The following CNTN5 variants were observed in gnomAD, a reference collection of about 807,000 sequenced individuals.
CNTN5 encodes the protein contactin-5.
Under a neutral mutation model 129.1 loss-of-function variants are expected in CNTN5, and 77 were observed. That is an observed-to-expected ratio of 0.60 (90% CI 0.50 to 0.72). The LOEUF is 0.72. Ranked by LOEUF, CNTN5 falls within the 30% of genes least tolerant of loss-of-function variation. CNTN5 has a pLI of 0.00. For missense variants in CNTN5, 1,478 were observed against 1,328.8 expected, an observed-to-expected ratio of 1.11 and a Z score of -1.75; for synonymous variants, 509 against 465.6, an observed-to-expected ratio of 1.09 and a Z score of -1.20.
At chr11:99,267,071 A>G (rs1862934496) in intron 1 of CNTN5, among the ~76,000 whole-genome samples, 3 of 152,092 alleles carry the variant, frequency 2.0e-5, no homozygotes, top group Admixed American at 2.0e-4. Context: ...TAAGACGTGA[A>G]TTCTAAAACT....
chr11:99,935,586 A>G lies in CNTN5; in HGVS notation c.673+19437A>G, dbSNP rs573192371. On this transcript the variant is annotated intron_variant, in intron 7 of 24. Coordinates refer to ENST00000524871, the MANE Select transcript of CNTN5 (RefSeq NM_014361.4). ...TGTGTGTGTGTATGTATGTATATAT[A>G]TGTGTGTGTGTTGTGTATATATTAT... 3.3e-5 allele frequency among the ~76,000 whole-genome samples: 5 copies of G among 151,974 alleles called. No homozygotes were observed. The South Asian group carries it at 1.0e-3, about 32-fold the overall frequency.
At chr11:99,971,045 T>G (rs1951237084) in intron 8 of CNTN5, among the ~76,000 whole-genome samples, 1 of 152,244 alleles carries the variant, frequency 6.6e-6, no homozygotes, top group Non-Finnish European at 1.5e-5. Flanking sequence ...TACCATATAA[T>G]AAGCATAGTT....
chr11:99,321,916 T>C (rs1018078604), intron 1 of CNTN5, among the ~76,000 whole-genome samples: 5 of 152,154 alleles, frequency 3.3e-5, no homozygotes, highest in Non-Finnish European at 7.4e-5. Flanking sequence ...GTGCTTATAC[T>C]ACAATGTGCT....
chr11:99,332,422 C>G (rs900909592), intron 2 of CNTN5, among the ~76,000 whole-genome samples: 8 of 151,952 alleles, frequency 5.3e-5, no homozygotes, highest in Non-Finnish European at 8.8e-5. Context: ...TATCTTATAC[C>G]AATCTGTGCC....
At chr11:99,704,924 G>A (rs1316103200) in intron 3 of CNTN5, among the ~76,000 whole-genome samples, 2 of 151,152 alleles carry the variant, frequency 1.3e-5, no homozygotes, top group Admixed American at 6.6e-5. Context: ...GGAATTCTTC[G>A]TTATAGAGCA....
At chr11:99,502,480 G>C (rs979722952) in intron 2 of CNTN5, among the ~76,000 whole-genome samples, 2 of 151,982 alleles carry the variant, frequency 1.3e-5, no homozygotes, top group African/African-American at 4.8e-5. Flanking sequence ...GAGATCTGAT[G>C]GTTTTATAAG....
chr11:99,867,141 A>G (rs952272855), intron 6 of CNTN5, among the ~76,000 whole-genome samples: 10 of 152,200 alleles, frequency 6.6e-5, no homozygotes, highest in Non-Finnish European at 1.0e-4. Context: ...ATGCTCTTGT[A>G]AAGAAAGAGC....
chr11:100,171,694 A>G (rs1344388876), intron 13 of CNTN5, among the ~76,000 whole-genome samples: 1 of 152,030 alleles, frequency 6.6e-6, no homozygotes, highest in Non-Finnish European at 1.5e-5. Context: ...TCACTCTGAA[A>G]GCATTTACTT....
intron 13 of CNTN5, among the ~76,000 whole-genome samples, chr11:100,185,872 C>T (rs1948287645): frequency 1.3e-5 from 2 of 152,186 alleles, no homozygotes; most frequent in Non-Finnish European, 2.9e-5. Flanking sequence ...ACCATTCTTG[C>T]ACCTGATTTT....
At chr11:99,972,869 A>G (rs1937668013) in intron 8 of CNTN5, among the ~76,000 whole-genome samples, 1 of 152,190 alleles carries the variant, frequency 6.6e-6, no homozygotes, top group African/African-American at 2.4e-5. Flanking sequence ...CATTTTCCAC[A>G]GTACTCCCAG....
chr11:99,338,992 T>TATAC (rs57727996), intron 2 of CNTN5, among the ~76,000 whole-genome samples: 26,571 of 136,332 alleles, frequency 0.19, 2,718 homozygotes, highest in South Asian at 0.26. Context: ...TATATATATA[T>TATAC]ATAGTGTCCA....
intron 3 of CNTN5, among the ~76,000 whole-genome samples, chr11:99,671,118 C>T (rs1476361231): frequency 6.7e-6 from 1 of 149,828 alleles, no homozygotes; most frequent in Non-Finnish European, 1.5e-5. Flanking sequence ...CGCTCTTGCT[C>T]TCTCTCTCTT....
intron 3 of CNTN5, among the ~76,000 whole-genome samples, chr11:99,673,251 AT>A (rs1370143642): frequency 6.6e-6 from 1 of 152,208 alleles, no homozygotes; most frequent in African/African-American, 2.4e-5. Context: ...ATTGAAAAAC[AT>A]TAAAGTCTAA....
chr11:100,098,560 T>C (rs1945098712), intron 13 of CNTN5, among the ~76,000 whole-genome samples: 1 of 152,100 alleles, frequency 6.6e-6, no homozygotes. Context: ...GGAACACTAC[T>C]CATTTTGGAA....
intron 13 of CNTN5, among the ~76,000 whole-genome samples, chr11:100,155,350 T>C (rs1413531832): frequency 6.6e-6 from 1 of 152,128 alleles, no homozygotes; most frequent in African/African-American, 2.4e-5. Context: ...GTGTTATTTC[T>C]GGGGCCTCTC....
At chr11:99,744,374 G>C (rs982547374) in intron 3 of CNTN5, among the ~76,000 whole-genome samples, 1 of 151,582 alleles carries the variant, frequency 6.6e-6, no homozygotes, top group African/African-American at 2.4e-5. Flanking sequence ...GTCTCTTAAG[G>C]ACGTAAGACA....
At chr11:99,311,952 A>G (rs1865131840) in intron 1 of CNTN5, among the ~76,000 whole-genome samples, 1 of 152,030 alleles carries the variant, frequency 6.6e-6, no homozygotes, top group Non-Finnish European at 1.5e-5. Context: ...AGACTTTTAT[A>G]CCTCCTAAGC....
chr11:99,199,436 A>G (rs1197584070), intron 1 of CNTN5, among the ~76,000 whole-genome samples: 1 of 152,214 alleles, frequency 6.6e-6, no homozygotes, highest in Non-Finnish European at 1.5e-5. Flanking sequence ...TGTTGCAATA[A>G]CACAATATGA....
At chr11:100,029,548 A>ACT (rs1941599408) in intron 9 of CNTN5, among the ~76,000 whole-genome samples, 2 of 152,092 alleles carry the variant, frequency 1.3e-5, no homozygotes, top group African/African-American at 4.8e-5. Flanking sequence ...GCGCCACTGA[A>ACT]CTCCAGCCTG....
Sources: gnomAD v4.1 joint callset for allele counts (sites outside exome capture counted in the v4.1 genomes callset) on GRCh38, gnomAD v4.1.1 for gene constraint, MANE v1.5 for transcripts, NCBI Gene and HGNC (gene_info 2026-07-23, HGNC 2026-07-21) for gene names.